Variants in STXBP6 observed in about 807,000 individuals in gnomAD.
STXBP6 encodes the protein syntaxin-binding protein 6.
STXBP6 carries 21 observed loss-of-function variants against 26.9 expected under a neutral mutation model. The ratio of observed to expected loss-of-function variants is 0.78; its 90% CI spans 0.55 to 1.12. The LOEUF is 1.12. Ranked by LOEUF, STXBP6 falls within the 50% of genes most tolerant of loss-of-function variation. The pLI, the probability that STXBP6 is intolerant of heterozygous loss-of-function variation, is 0.00. For missense variants in STXBP6, 232 were observed against 257.9 expected, an observed-to-expected ratio of 0.90 and a Z score of 0.69; for synonymous variants, 97 against 92.6, an observed-to-expected ratio of 1.05 and a Z score of -0.27.
In STXBP6 at chr14:24,974,531, A is replaced by G. The variant is rs1286601430; in HGVS notation, c.154+134T>C. 5.0e-5 allele frequency: 36 copies of G among 716,208 alleles called. No individual in the cohort carries two copies. The South Asian group carries it at 1.2e-3, about 23-fold the overall frequency. The allele number at this position is 716,208 out of a possible 1,614,324, so 44.4% of individuals were successfully genotyped here. A position where few individuals can be genotyped will look rare whatever the true frequency, so the allele number is the denominator to read the frequency against. On this transcript the variant is annotated intron_variant, in intron 2 of 5. Coordinates refer to ENST00000323944, the MANE Select transcript of STXBP6 (RefSeq NM_001394410.1). Reference sequence around the variant, plus strand: ...GGTGTCACCAGTAAAGAGGAAGACCAGAAAAACGGGGAAAAGGAGCAAGAC... The same window carrying G: ...GGTGTCACCAGTAAAGAGGAAGACCGGAAAAACGGGGAAAAGGAGCAAGAC...
chr14:24,890,659 A>C (rs1401256201), intron 2 of STXBP6, among the ~76,000 whole-genome samples: 22 of 152,240 alleles, frequency 1.4e-4, no homozygotes, highest in Admixed American at 1.4e-3. Flanking sequence ...AGAAAAGATA[A>C]GGAAATTAGC....
At chr14:25,005,558 ATCTCT>A (rs2074871439) in intron 1 of STXBP6, among the ~76,000 whole-genome samples, 1 of 152,204 alleles carries the variant, frequency 6.6e-6, no homozygotes, top group African/African-American at 2.4e-5. Context: ...CAAAAAGAAC[ATCTCT>A]TTATTTGCTG....
intron 2 of STXBP6, among the ~76,000 whole-genome samples, chr14:24,906,711 C>T (rs978441584): frequency 1.2e-4 from 18 of 152,114 alleles, no homozygotes; most frequent in African/African-American, 3.9e-4. Flanking sequence ...CCCTCACTAC[C>T]GGCAATATTG....
chr14:24,882,868 G>T (rs746030918), intron 2 of STXBP6, among the ~76,000 whole-genome samples: 19 of 152,082 alleles, frequency 1.2e-4, no homozygotes, highest in Non-Finnish European at 2.6e-4. Context: ...CAACACTTTT[G>T]AAACTTTGTA....
rs767855188 is a variant in STXBP6, at chr14:24,874,390, T to C, written c.155-17233A>G. Among the ~76,000 whole-genome samples, 85 of 152,224 alleles carry C rather than the reference T, an allele frequency of 5.6e-4. No individual in the cohort carries two copies. The Middle Eastern group carries it at 0.01, about 18-fold the overall frequency. On this transcript the variant is annotated intron_variant, in intron 2 of 5. Coordinates refer to ENST00000323944, the MANE Select transcript of STXBP6 (RefSeq NM_001394410.1). The stretch of plus-strand genomic sequence containing the variant: ...TTCTAGCCAACATTTCCATAGAGTG[T>C]TGCTCAGGTATGTTCAGAAGAGTGT...
chr14:25,016,777 A>C (rs932595070), intron 1 of STXBP6, among the ~76,000 whole-genome samples: 1 of 152,214 alleles, frequency 6.6e-6, no homozygotes, highest in Non-Finnish European at 1.5e-5. Context: ...TTAAAAAAAT[A>C]AACAATATAT....
chr14:24,956,797 TAAC>T (rs2073359561), intron 2 of STXBP6, among the ~76,000 whole-genome samples: 1 of 152,196 alleles, frequency 6.6e-6, no homozygotes, highest in Non-Finnish European at 1.5e-5. Flanking sequence ...ACTTCACTCT[TAAC>T]AAGTTCTAGC....
intron 2 of STXBP6, among the ~76,000 whole-genome samples, chr14:24,968,283 T>C (rs973019098): frequency 4.0e-5 from 6 of 151,536 alleles, no homozygotes; most frequent in African/African-American, 1.4e-4. Flanking sequence ...TTTTCCTGGA[T>C]AAAAACTCTT....
intron 2 of STXBP6, among the ~76,000 whole-genome samples, chr14:24,962,411 C>T (rs1040306855): frequency 9.2e-5 from 14 of 151,606 alleles, no homozygotes; most frequent in African/African-American, 3.2e-4. Context: ...CTCACGGCAA[C>T]GTCTGCCTCC....
chr14:24,996,731 T>C (rs924201617), intron 1 of STXBP6, among the ~76,000 whole-genome samples: 1 of 151,432 alleles, frequency 6.6e-6, no homozygotes, highest in African/African-American at 2.4e-5. Context: ...GGCACGTGCC[T>C]GTGATCCCAG....
intron 2 of STXBP6, among the ~76,000 whole-genome samples, chr14:24,932,234 C>T (rs1370370664): frequency 6.6e-6 from 1 of 152,212 alleles, no homozygotes; most frequent in African/African-American, 2.4e-5. Context: ...TGGTGAAACT[C>T]CATCTCTACT....
chr14:24,931,682 AG>A (rs1566486916), intron 2 of STXBP6, among the ~76,000 whole-genome samples: 5 of 151,368 alleles, frequency 3.3e-5, no homozygotes, highest in African/African-American at 1.2e-4. Context: ...AAGAATGAGA[AG>A]GGTAAGTCCA....
At chr14:24,987,053 C>T (rs1184832966) in intron 1 of STXBP6, among the ~76,000 whole-genome samples, 1 of 152,124 alleles carries the variant, frequency 6.6e-6, no homozygotes, top group East Asian at 1.9e-4. Context: ...ACTAGCTGTG[C>T]AGTGTTTGAT....
intron 4 of STXBP6, among the ~76,000 whole-genome samples, chr14:24,847,565 T>C (rs1006871445): frequency 6.6e-6 from 1 of 152,214 alleles, no homozygotes; most frequent in African/African-American, 2.4e-5. Flanking sequence ...TTTAAATGTA[T>C]GAGCATAATG....
At chr14:25,024,540 A>T (rs1434241441) in intron 1 of STXBP6, among the ~76,000 whole-genome samples, 1 of 152,078 alleles carries the variant, frequency 6.6e-6, no homozygotes, top group Non-Finnish European at 1.5e-5. Context: ...ATCTCTAGTT[A>T]CTTCTGGGGC....
intron 2 of STXBP6, among the ~76,000 whole-genome samples, chr14:24,885,393 A>G (rs1427865709): frequency 1.3e-5 from 2 of 152,184 alleles, no homozygotes; most frequent in Middle Eastern, 3.2e-3. Context: ...TGGCATATCC[A>G]AAGGCCACAG....
chr14:24,811,393 G>A lies in STXBP6; in HGVS notation c.*1316C>T, dbSNP rs975470741. On this transcript the variant is annotated 3_prime_UTR_variant, in exon 6 of 6. Transcript: ENST00000323944. ...AAAAATCAATGCGCTGCAGTGGTAG[G>A]CTTACAATGTGTCTGAGATGTGCAG... 6.6e-5 allele frequency: 10 copies of A among 152,160 alleles called. No individual in the cohort carries two copies. The highest frequency in any genetic ancestry group is 2.2e-4 in the African/African-American group (9 of 41,434). 9.4% of individuals were successfully genotyped at this position (152,160 alleles called of 1,614,324 possible). A position where few individuals can be genotyped will look rare whatever the true frequency, so the allele number is the denominator to read the frequency against.
At chr14:25,029,652 T>C (rs1242222542) in intron 1 of STXBP6, among the ~76,000 whole-genome samples, 1 of 152,152 alleles carries the variant, frequency 6.6e-6, no homozygotes, top group Non-Finnish European at 1.5e-5. Context: ...GACTCCTATA[T>C]AATGCTTCAT....
chr14:24,812,534 G>A lies in STXBP6; in HGVS notation c.*175C>T, dbSNP rs2067851390. 2 of 626,604 alleles carry A rather than the reference G, an allele frequency of 3.2e-6. No homozygotes were observed. The highest frequency in any genetic ancestry group is 4.2e-4 in the Middle Eastern group (1 of 2,374). 38.8% of individuals were successfully genotyped at this position (626,604 alleles called of 1,614,324 possible). ...TTATTAGCAAGATCATTAGGGAAATGTAAAAATGCAACACCCTTTCTTTCA... is the reference window on the plus strand; with the variant it reads ...TTATTAGCAAGATCATTAGGGAAATATAAAAATGCAACACCCTTTCTTTCA... On this transcript the variant is annotated 3_prime_UTR_variant, in exon 6 of 6. Coordinates refer to ENST00000323944, the MANE Select transcript of STXBP6 (RefSeq NM_001394410.1).
Sources: gnomAD v4.1 joint callset for allele counts (sites outside exome capture counted in the v4.1 genomes callset) on GRCh38, gnomAD v4.1.1 for gene constraint, MANE v1.5 for transcripts, NCBI Gene and HGNC (gene_info 2026-07-23, HGNC 2026-07-21) for gene names.